The following GRID1 variants were observed in gnomAD, a reference collection of about 807,000 sequenced individuals.
The protein encoded by GRID1 is glutamate ionotropic receptor delta type subunit 1, also known as glutamate receptor ionotropic, delta-1.
A neutral mutation model predicts 98.0 loss-of-function variants in GRID1; 28 were observed. That is an observed-to-expected ratio of 0.29 (90% CI 0.21 to 0.39). GRID1 has a LOEUF of 0.39. GRID1 is among the 10% of genes least tolerant of loss of function. GRID1 has a pLI of 1.00. For synonymous variants in GRID1, 553 were observed against 538.5 expected (o/e 1.03, Z -0.37); for missense variants, 1,111 against 1,340.5 (o/e 0.83, Z 2.67).
intron 6 of GRID1, among the ~76,000 whole-genome samples, chr10:85,867,112 G>T (rs1843228440): frequency 6.6e-6 from 1 of 152,104 alleles, no homozygotes; most frequent in African/African-American, 2.4e-5. Flanking sequence ...CCAGTGAAAA[G>T]ACTTTTTGCA....
At position 85,847,998 on chromosome 10, in the gene GRID1, T is replaced by C. The variant is rs953936789; in HGVS notation, c.1233+6498A>G. On this transcript the variant is annotated intron_variant, in intron 8 of 15. Transcript: ENST00000327946. ...TACAATGTGCAAAGAACCTGAGGTA[T>C]AATTTACAAAAATGTGAAATACAAA... Among the ~76,000 whole-genome samples the C allele has an allele frequency of 3.3e-5, 5 of 152,298 alleles. No individual in the cohort carries two copies. In the South Asian group the frequency reaches 8.3e-4, roughly 25 times the overall value.
chr10:85,888,551 A>C (rs1841149732), intron 5 of GRID1, among the ~76,000 whole-genome samples: 1 of 152,220 alleles, frequency 6.6e-6, no homozygotes, highest in Non-Finnish European at 1.5e-5. Context: ...AACCATAAGC[A>C]CAAGGTGGAC....
chr10:86,044,422 G>T (rs146741443), intron 4 of GRID1, among the ~76,000 whole-genome samples: 367 of 152,254 alleles, frequency 2.4e-3, no homozygotes, highest in Middle Eastern at 3.4e-3. Flanking sequence ...TGGTCTTTCT[G>T]CAGTGCTAGA....
chr10:85,921,594 C>T (rs1041472596), intron 4 of GRID1, among the ~76,000 whole-genome samples: 2 of 152,238 alleles, frequency 1.3e-5, no homozygotes, highest in Non-Finnish European at 2.9e-5. Context: ...CAAACAGACT[C>T]TGCACAGAAA....
At chr10:86,029,788 G>T (rs1178256969) in intron 4 of GRID1, among the ~76,000 whole-genome samples, 2 of 152,032 alleles carry the variant, frequency 1.3e-5, no homozygotes, top group African/African-American at 4.8e-5. Flanking sequence ...CAATTAACCT[G>T]CAAATTCTGC....
chr10:85,613,727 T>C (rs1457705830), intron 14 of GRID1, 80 bp from the exon 15 acceptor site: 8 of 1,519,710 alleles, frequency 5.3e-6, no homozygotes, highest in Middle Eastern at 1.8e-4. Flanking sequence ...TGCCCCACCA[T>C]GCTGGCCCCA....
intron 4 of GRID1, among the ~76,000 whole-genome samples, chr10:85,938,114 T>C (rs1484065777): frequency 6.6e-6 from 1 of 152,222 alleles, no homozygotes; most frequent in Non-Finnish European, 1.5e-5. Context: ...TCCAGAGGTA[T>C]GAATGCCTCC....
chr10:86,133,280 T>C (rs1306122050), intron 4 of GRID1, among the ~76,000 whole-genome samples: 1 of 152,218 alleles, frequency 6.6e-6, no homozygotes, highest in South Asian at 2.1e-4. Context: ...CCAGTGTATG[T>C]GGCTGCTGGT....
At chr10:85,888,062 G>C (rs1215482471) in intron 5 of GRID1, among the ~76,000 whole-genome samples, 2 of 152,048 alleles carry the variant, frequency 1.3e-5, no homozygotes, top group African/African-American at 4.8e-5. Flanking sequence ...GAAATCTTAG[G>C]TACCCTTGAC....
At position 85,782,459 on chromosome 10, in the gene GRID1, A is replaced by G. The variant is rs922602693; in HGVS notation, c.1234-52845T>C. Among the ~76,000 whole-genome samples, 8 of 152,378 alleles carry G rather than the reference A, an allele frequency of 5.3e-5. No individual in the cohort carries two copies. The Middle Eastern group carries it at 0.01, about 194-fold the overall frequency. ...AACCTTGGGGACCCAGCAATTAAAAAAACAAGTAAAAATCACTGCTGTCTT... is the reference window on the plus strand; with the variant it reads ...AACCTTGGGGACCCAGCAATTAAAAGAACAAGTAAAAATCACTGCTGTCTT... On this transcript the variant is annotated intron_variant, in intron 8 of 15. Coordinates refer to ENST00000327946, the MANE Select transcript of GRID1 (RefSeq NM_017551.3).
intron 3 of GRID1, among the ~76,000 whole-genome samples, chr10:86,200,590 A>G (rs7897313): frequency 0.45 from 68,743 of 152,050 alleles, 15,742 homozygotes; most frequent in Non-Finnish European, 0.49. Flanking sequence ...TCTGACATTC[A>G]GGTAGGAAAG....
rs112876543 is a variant in GRID1, at chr10:85,923,727, G to A, written c.727-7488C>T. Among the ~76,000 whole-genome samples, 1,462 of 152,268 alleles carry A rather than the reference G, an allele frequency of 9.6e-3. 15 individuals carry two copies. The highest frequency in any genetic ancestry group is 0.014 in the Non-Finnish European group (930 of 68,020). On this transcript the variant is annotated intron_variant, in intron 4 of 15. Coordinates refer to ENST00000327946, the MANE Select transcript of GRID1 (RefSeq NM_017551.3). ...ATGCAAAACCCATATGGTTTCTACC[G>A]TGTTCCACTGACTTGGGCACCAAGA... is the stretch of plus-strand genomic sequence containing the variant.
At chr10:86,345,619 G>A (rs867329360) in intron 2 of GRID1, among the ~76,000 whole-genome samples, 2 of 152,206 alleles carry the variant, frequency 1.3e-5, no homozygotes, top group Admixed American at 6.5e-5. Context: ...AGAGGCAGGG[G>A]TTGGGGGAGC....
chr10:86,048,750 C>T (rs1346122855), intron 4 of GRID1, among the ~76,000 whole-genome samples: 1 of 152,232 alleles, frequency 6.6e-6, no homozygotes, highest in African/African-American at 2.4e-5. Flanking sequence ...ATTCAGGACA[C>T]ATCCCACTGA....
At chr10:86,070,455 G>T (rs1843787770) in intron 4 of GRID1, among the ~76,000 whole-genome samples, 1 of 152,282 alleles carries the variant, frequency 6.6e-6, no homozygotes, top group Middle Eastern at 3.4e-3. Flanking sequence ...CTTAAATGCT[G>T]CCCTGACCAG....
intron 6 of GRID1, among the ~76,000 whole-genome samples, chr10:85,860,196 A>G (rs965786478): frequency 6.6e-6 from 1 of 152,202 alleles, no homozygotes; most frequent in Non-Finnish European, 1.5e-5. Context: ...TGCACAGTAC[A>G]GAGTCCATTA....
intron 15 of GRID1, 76 bp from the exon 16 acceptor site, chr10:85,602,777 C>G: frequency 9.2e-7 from 1 of 1,082,784 alleles, no homozygotes; most frequent in Non-Finnish European, 1.3e-6. Flanking sequence ...CTCTGGATGT[C>G]TGTAGTCACC....
intron 2 of GRID1, among the ~76,000 whole-genome samples, chr10:86,218,063 T>C (rs574144392): frequency 6.6e-6 from 1 of 152,314 alleles, no homozygotes; most frequent in South Asian, 2.1e-4. Context: ...GCTCTCCCTC[T>C]TCATCTCAAC....
chr10:86,348,047 C>G (rs927091654), intron 2 of GRID1, among the ~76,000 whole-genome samples: 1 of 152,206 alleles, frequency 6.6e-6, no homozygotes, highest in South Asian at 2.1e-4. Flanking sequence ...AAGATGACCC[C>G]TGGACCACCT....
Sources: gnomAD v4.1 joint callset for allele counts (sites outside exome capture counted in the v4.1 genomes callset) on GRCh38, gnomAD v4.1.1 for gene constraint, MANE v1.5 for transcripts, NCBI Gene and HGNC (gene_info 2026-07-23, HGNC 2026-07-21) for gene names.